Variants in NCSTN observed in about 807,000 individuals in gnomAD.
NCSTN encodes the protein anterior pharynx-defective 2.
NCSTN carries 22 observed loss-of-function variants against 87.0 expected under a neutral mutation model. The ratio of observed to expected loss-of-function variants is 0.25; its 90% confidence interval spans 0.18 to 0.36. NCSTN has a LOEUF of 0.36. Among genes scored for constraint, NCSTN ranks in the 10% least tolerant of loss-of-function variants. The pLI is 1.00. For synonymous variants in NCSTN, 306 were observed against 327.1 expected (o/e 0.94, Z 0.69); for missense variants, 693 against 883.3 (o/e 0.78, Z 2.73).
chr1:160,348,426 A>G (rs535149074), intron 2 of NCSTN, among the ~76,000 whole-genome samples: 20 of 152,344 alleles, frequency 1.3e-4, no homozygotes, highest in Non-Finnish European at 2.8e-4. Context: ...AGGAGAACCA[A>G]TGAGAGCACA....
chr1:160,357,491 G>A (rs545404388), intron 16 of NCSTN, among the ~76,000 whole-genome samples: 4 of 152,260 alleles, frequency 2.6e-5, no homozygotes, highest in East Asian at 1.9e-4. Context: ...TGCAACCTCC[G>A]TCCCTTGGGT....
At chr1:160,349,993 C>CTTTG in intron 4 of NCSTN, 112 bp from the exon 5 acceptor site, 3 of 1,323,278 alleles carry the variant, frequency 2.3e-6, no homozygotes, top group Non-Finnish European at 3.3e-6. Flanking sequence ...TTTGAGTCAC[C>CTTTG]ACCTCCTTTT....
intron 2 of NCSTN, 111 bp downstream of exon 2, chr1:160,344,937 G>T (rs1648381132): frequency 2.2e-6 from 2 of 893,524 alleles, no homozygotes; most frequent in East Asian, 2.5e-5. Flanking sequence ...TGGACTGTAT[G>T]TAGGCAGTTA....
chr1:160,345,085 C>G, intron 2 of NCSTN: 1 of 557,688 alleles, frequency 1.8e-6, no homozygotes, highest in East Asian at 3.1e-5. Flanking sequence ...CTGTTATTGT[C>G]ACTTTATAAA....
chr1:160,356,852 G>A, intron 15 of NCSTN, 98 bp downstream of exon 15: 2 of 1,499,858 alleles, frequency 1.3e-6, no homozygotes, highest in Non-Finnish European at 1.8e-6. Context: ...GATTGGGATG[G>A]AGAGGTGGAG....
intron 7 of NCSTN, 123 bp from the exon 8 acceptor site, chr1:160,351,931 G>A: frequency 6.8e-7 from 1 of 1,476,154 alleles, no homozygotes; most frequent in Non-Finnish European, 9.5e-7. Context: ...AATCTGGGCT[G>A]TGGGACTCCT....
chr1:160,351,845 C>G (rs201381789), intron 7 of NCSTN, 40 bp downstream of exon 7: 154 of 1,538,372 alleles, frequency 1.0e-4, no homozygotes, highest in Non-Finnish European at 1.3e-4. Context: ...AGGGCTGGCA[C>G]AAAAAGAGCT....
rs779344804 is a variant in NCSTN, at chr1:160,349,634, T to C, written c.400T>C (p.Phe134Leu). The change falls in exon 4 of 17, where the codon TTC (phenylalanine) becomes CTC (leucine). Residue 134 changes from phenylalanine to leucine, a missense_variant. Coordinates refer to ENST00000294785, the MANE Select transcript of NCSTN (RefSeq NM_015331.3). ...GACCAAGCCCAGTCCTGCCTCAGGC[T>C]TCTCTCCTAGTGTACAGTGCCCAAA... ...SLTKPSPASG[F>L]SPSVQCPNDG... 3 of 1,614,028 alleles carry C rather than the reference T, an allele frequency of 1.9e-6. No individual in the cohort carries two copies. Among genetic ancestry groups the C allele is most frequent in the African/African-American group, 2.7e-5 (2 of 74,914 alleles).
At chr1:160,343,592 C>T (rs1648243285) in intron 1 of NCSTN, 111 bp downstream of exon 1, 1 of 999,466 alleles carries the variant, frequency 1.0e-6, no homozygotes, top group South Asian at 1.4e-5. Context: ...TGTCCCCCCA[C>T]CCTGTAAATC....
In NCSTN at chr1:160,357,308, T is replaced by C. The variant is rs58164520; in HGVS notation, c.2007+55T>C. ...GGATCTGTTTGACTTCTTTCTCTGC[T>C]TTCTTGTGTCATATAGCCCTTTCCA... On this transcript the variant is annotated intron_variant, in intron 16 of 16. Coordinates refer to ENST00000294785, the MANE Select transcript of NCSTN (RefSeq NM_015331.3). 0.025 allele frequency: 38,146 copies of C among 1,498,440 alleles called. 8,012 individuals carry two copies. The African/African-American group carries it at 0.46, about 18-fold the overall frequency. The allele number at this position is 1,498,440 out of a possible 1,614,324, so 92.8% of individuals were successfully genotyped here. A position where few individuals can be genotyped will look rare whatever the true frequency, so the allele number is the denominator to read the frequency against.
Position 160,352,972 on chromosome 1 carries a change from C to T in NCSTN, c.1082C>T (p.Ser361Leu), listed in dbSNP as rs201329587. ...CCCGTGCAGTTAGAGAATGTTGACT[C>T]ATTTGTGGAGCTGGGACAGGTATGT... ...KFPVQLENVD[S>L]FVELGQVALR... The change falls in exon 9 of 17, where the codon TCA becomes TTA. Residue 361 changes from serine to leucine, a missense_variant. By Grantham distance (145) the Ser-to-Leu change is moderately radical (BLOSUM62 -2). Coordinates refer to ENST00000294785, the MANE Select transcript of NCSTN (RefSeq NM_015331.3). 8 of 1,614,048 alleles carry T rather than the reference C, an allele frequency of 5.0e-6. No homozygotes were observed. The highest frequency in any genetic ancestry group is 1.1e-5 in the South Asian group (1 of 91,080).
At position 160,345,128 on chromosome 1, in the gene NCSTN, C is replaced by G. The variant is rs1571196749; in HGVS notation, c.190+302C>G. 8.7e-6 allele frequency: 4 copies of G among 459,952 alleles called. No homozygotes were observed. In the East Asian group the frequency reaches 1.8e-4, roughly 20 times the overall value. 28.5% of individuals were successfully genotyped at this position (459,952 alleles called of 1,614,324 possible). ...ACTAAAACTTAAAGAAGTTGAGTAACTTTCCCAAGATCATACTGGTAATAA... is the reference window on the plus strand; with the variant it reads ...ACTAAAACTTAAAGAAGTTGAGTAAGTTTCCCAAGATCATACTGGTAATAA... On this transcript the variant is annotated intron_variant, in intron 2 of 16. Transcript: ENST00000294785.
Position 160,349,575 on chromosome 1 carries a change from G to C in NCSTN, c.341G>C (p.Arg114Thr), listed in dbSNP as rs751929964. The change falls in exon 4 of 17, where the codon AGA (arginine) becomes ACA (threonine). Residue 114 changes from arginine (R) to threonine (T), a missense_variant. Physicochemically the swap from Arg to Thr is moderately conservative, Grantham distance 71. Coordinates refer to ENST00000294785, the MANE Select transcript of NCSTN (RefSeq NM_015331.3). Reference sequence around the variant, plus strand: ...GATTTAATGGAGAAGCTGAAAGGGAGAACCAGCCGAATTGCTGGTCTTGCA... The same window carrying C: ...GATTTAATGGAGAAGCTGAAAGGGACAACCAGCCGAATTGCTGGTCTTGCA... ...TRDLMEKLKG[R>T]TSRIAGLAVS... The C allele has an allele frequency of 6.2e-7, 1 of 1,614,142 alleles. No homozygotes were observed. Among genetic ancestry groups the C allele is most frequent in the Non-Finnish European group, 8.5e-7 (1 of 1,180,010 alleles).
At chr1:160,350,712 TAAAAA>T (rs11414346) in intron 5 of NCSTN, among the ~76,000 whole-genome samples, 20 of 147,920 alleles carry the variant, frequency 1.4e-4, no homozygotes, top group Non-Finnish European at 4.5e-5. Flanking sequence ...CTAGTATCGT[TAAAAA>T]AAAAAGCATT....
intron 3 of NCSTN, 34 bp downstream of exon 3, chr1:160,349,156 C>T (rs747615903): frequency 8.1e-6 from 13 of 1,612,830 alleles, no homozygotes; most frequent in African/African-American, 1.3e-5. Flanking sequence ...GGAAAACATC[C>T]ATAGAGGGAA....
At chr1:160,344,674 G>C (rs1348848945) in intron 1 of NCSTN, 48 bp from the exon 2 acceptor site, 1 of 1,606,102 alleles carries the variant, frequency 6.2e-7, no homozygotes, top group Non-Finnish European at 8.5e-7. Context: ...ATAGAAGCTA[G>C]TACCTGTGTC....
intron 11 of NCSTN, 68 bp from the exon 12 acceptor site, chr1:160,355,587 A>T (rs1258050334): frequency 5.3e-6 from 6 of 1,142,232 alleles, no homozygotes; most frequent in Non-Finnish European, 8.0e-6. Flanking sequence ...CATAAGGAGC[A>T]TTTGAGGGAG....
rs1648728827 is a variant in NCSTN at position 160,349,689 on chromosome 1, C to G, written c.436+19C>G. The G allele has an allele frequency of 1.2e-6, 2 of 1,613,092 alleles. No homozygotes were observed. Among genetic ancestry groups the G allele is most frequent in the African/African-American group, 1.3e-5 (1 of 75,008 alleles). ...GGGTTTGGTAAGTGTCCCAAAGGAT[C>G]AGGAGAGCCTACTGTCACCTAAGGC... On this transcript the variant is annotated intron_variant, in intron 4 of 16. Transcript: ENST00000294785.
intron 1 of NCSTN, 31 bp downstream of exon 1, chr1:160,343,512 T>G: frequency 6.3e-7 from 1 of 1,575,646 alleles, no homozygotes; most frequent in Non-Finnish European, 8.6e-7. Flanking sequence ...AGCTCCGTTC[T>G]CTAAGGGGAA....
Sources: gnomAD v4.1 joint callset for allele counts (sites outside exome capture counted in the v4.1 genomes callset) on GRCh38, gnomAD v4.1.1 for gene constraint, MANE v1.5 for transcripts, NCBI Gene and HGNC (gene_info 2026-07-23, HGNC 2026-07-21) for gene names.